SCFD2: variants seen among roughly 807,000 people sequenced by gnomAD.
SCFD2 encodes sec1 family domain-containing protein 2.
SCFD2 carries 54 observed loss-of-function variants against 58.9 expected under a neutral mutation model. That is an observed-to-expected ratio of 0.92 (90% CI 0.74 to 1.15). The LOEUF (loss-of-function observed/expected upper bound fraction) is 1.15. SCFD2 is among the 50% of genes most tolerant of loss of function. SCFD2 has a pLI of 0.00. For synonymous variants in SCFD2, 321 were observed against 335.9 expected, an observed-to-expected ratio of 0.96 and a Z score of 0.49; for missense variants, 805 against 836.6, an observed-to-expected ratio of 0.96 and a Z score of 0.47.
intron 2 of SCFD2, 126 bp downstream of exon 2, chr4:53,352,472 T>A (rs563450108): frequency 7.5e-6 from 5 of 667,610 alleles, no homozygotes; most frequent in African/African-American, 7.2e-5. Flanking sequence ...TGCTAAATGC[T>A]ACCCACTGTG....
intron 5 of SCFD2, among the ~76,000 whole-genome samples, chr4:53,056,708 C>T (rs757695039): frequency 4.6e-5 from 7 of 152,098 alleles, no homozygotes; most frequent in Non-Finnish European, 1.0e-4. Flanking sequence ...CCACTTTTAG[C>T]CACCAATAAC....
At chr4:53,228,168 G>A (rs1024231866) in intron 4 of SCFD2, among the ~76,000 whole-genome samples, 3 of 152,084 alleles carry the variant, frequency 2.0e-5, no homozygotes, top group African/African-American at 7.2e-5. Flanking sequence ...CTTGTCACTG[G>A]GCAAGAGCTC....
chr4:53,183,719 C>T (rs946796786), intron 4 of SCFD2, among the ~76,000 whole-genome samples: 1 of 151,304 alleles, frequency 6.6e-6, no homozygotes, highest in African/African-American at 2.4e-5. Context: ...AAGAACATGC[C>T]TAAACTTTGG....
rs183865802 is a variant in SCFD2 at position 53,296,828 on chromosome 4, G to T, written c.1135+16808C>A. ...CTTTAAAAGTGTCCCAGAGATTCTG[G>T]TACATTGTGTCTTTGTTCTCACTGG... On this transcript the variant is annotated intron_variant, in intron 3 of 8. Coordinates refer to ENST00000401642, the MANE Select transcript of SCFD2 (RefSeq NM_152540.4). 7.9e-3 allele frequency among the ~76,000 whole-genome samples: 1,203 copies of T among 152,158 alleles called. 6 individuals are homozygous for T. Among genetic ancestry groups the T allele is most frequent in the Middle Eastern group, 0.031 (9 of 294 alleles).
chr4:53,210,446 C>T (rs1225577114), intron 4 of SCFD2, among the ~76,000 whole-genome samples: 2 of 152,026 alleles, frequency 1.3e-5, no homozygotes, highest in African/African-American at 2.4e-5. Flanking sequence ...CTCTCAGGAG[C>T]ATAGAGTGAA....
chr4:53,293,323 G>A (rs570100009), intron 3 of SCFD2, among the ~76,000 whole-genome samples: 1 of 151,956 alleles, frequency 6.6e-6, no homozygotes, highest in South Asian at 2.1e-4. Context: ...AGCAGGGGGA[G>A]AAAGAACATC....
At chr4:53,012,262 C>A (rs1247963581) in intron 5 of SCFD2, among the ~76,000 whole-genome samples, 4 of 151,922 alleles carry the variant, frequency 2.6e-5, no homozygotes, top group Admixed American at 6.6e-5. Context: ...CATATTTAGC[C>A]CTACGAATTG....
At chr4:52,955,769 G>A (rs569180905) in intron 5 of SCFD2, among the ~76,000 whole-genome samples, 9 of 152,328 alleles carry the variant, frequency 5.9e-5, no homozygotes, top group Non-Finnish European at 1.3e-4. Flanking sequence ...TTTATACATA[G>A]AGAAATAAAA....
At chr4:52,940,778 CA>C (rs1720272658) in intron 5 of SCFD2, among the ~76,000 whole-genome samples, 1 of 152,144 alleles carries the variant, frequency 6.6e-6, no homozygotes, top group South Asian at 2.1e-4. Context: ...GGAGAAGACA[CA>C]AACTGATAGA....
intron 5 of SCFD2, among the ~76,000 whole-genome samples, chr4:53,070,813 T>C (rs1408820454): frequency 6.6e-6 from 1 of 152,128 alleles, no homozygotes; most frequent in Non-Finnish European, 1.5e-5. Flanking sequence ...ATACATCTCT[T>C]TGAGATTCTG....
At chr4:53,172,384 C>T (rs1727206651) in intron 4 of SCFD2, among the ~76,000 whole-genome samples, 1 of 152,104 alleles carries the variant, frequency 6.6e-6, no homozygotes, top group African/African-American at 2.4e-5. Context: ...CTTCTGCTAA[C>T]TTTTGGCTTA....
intron 5 of SCFD2, among the ~76,000 whole-genome samples, chr4:53,113,360 T>C (rs1021168285): frequency 3.3e-5 from 5 of 152,126 alleles, no homozygotes; most frequent in African/African-American, 1.2e-4. Flanking sequence ...AAAATGGCCA[T>C]GTGCTTGTTA....
chr4:53,157,480 A>AT (rs1726726466), intron 4 of SCFD2, among the ~76,000 whole-genome samples: 1 of 152,116 alleles, frequency 6.6e-6, no homozygotes, highest in African/African-American at 2.4e-5. Context: ...ATGAGGCTTG[A>AT]TTTTTTTCAT....
chr4:53,364,693 C>T (rs1336267964), intron 1 of SCFD2, among the ~76,000 whole-genome samples: 1 of 150,946 alleles, frequency 6.6e-6, no homozygotes, highest in Non-Finnish European at 1.5e-5. Flanking sequence ...AGTAGTTTTC[C>T]TTCCGCTGGG....
chr4:52,993,885 T>C (rs1271056674), intron 5 of SCFD2, among the ~76,000 whole-genome samples: 4 of 152,186 alleles, frequency 2.6e-5, no homozygotes, highest in East Asian at 1.9e-4. Context: ...GTGGGAGATA[T>C]TGGGGTTGTC....
At chr4:53,203,452 T>C (rs1157395654) in intron 4 of SCFD2, among the ~76,000 whole-genome samples, 1 of 151,706 alleles carries the variant, frequency 6.6e-6, no homozygotes, top group African/African-American at 2.4e-5. Context: ...GAAAGAAAGA[T>C]CAAATGAAAC....
intron 6 of SCFD2, 103 bp downstream of exon 6, chr4:52,920,622 A>G: frequency 1.3e-6 from 1 of 748,604 alleles, no homozygotes; most frequent in Non-Finnish European, 2.0e-6. Flanking sequence ...TCTAGAACAA[A>G]CCTTTGGTTT....
intron 5 of SCFD2, chr4:52,956,341 T>C (rs1023157492): frequency 7.3e-6 from 3 of 409,148 alleles, no homozygotes; most frequent in Non-Finnish European, 1.4e-5. Flanking sequence ...AAGGGGACTA[T>C]GTTAGATAGG....
intron 5 of SCFD2, among the ~76,000 whole-genome samples, chr4:53,122,740 G>A (rs1157607901): frequency 6.6e-6 from 1 of 152,122 alleles, no homozygotes; most frequent in Non-Finnish European, 1.5e-5. Flanking sequence ...TGTAAACTGG[G>A]TAGTAACACC....
Sources: allele counts gnomAD v4.1 joint callset (sites outside exome capture counted in the v4.1 genomes callset), GRCh38; gene constraint gnomAD v4.1.1; transcripts MANE v1.5; gene names NCBI Gene and HGNC (gene_info 2026-07-23, HGNC 2026-07-21).